GLIS3: variants seen among roughly 807,000 people sequenced by gnomAD.
GLIS3 encodes GLIS family zinc finger 3.
A neutral mutation model predicts 78.6 loss-of-function variants in GLIS3; 53 were observed. The ratio of observed to expected loss-of-function variants is 0.67; its 90% CI spans 0.54 to 0.85. The LOEUF is 0.85. GLIS3 is among the 40% of genes least tolerant of loss of function. The pLI is 0.00. For missense variants in GLIS3, 1,703 were observed against 1,231.1 expected, an observed-to-expected ratio of 1.38 and a Z score of -5.74; for synonymous variants, 684 against 509.9, an observed-to-expected ratio of 1.34 and a Z score of -4.60.
chr9:4,332,996 G>C (rs1048937866), intron 2 of GLIS3, among the ~76,000 whole-genome samples: 3 of 152,198 alleles, frequency 2.0e-5, no homozygotes, highest in Admixed American at 6.5e-5. Context: ...ATAGCATTGA[G>C]TGCTTACTCT....
rs1047800142 is a variant in GLIS3, at chr9:3,976,845, C to A, written c.1711-39656G>T. 2.3e-3 allele frequency among the ~76,000 whole-genome samples: 114 copies of A among 49,378 alleles called. 1 individual carries two copies. Among genetic ancestry groups the A allele is most frequent in the African/African-American group, 6.9e-3 (98 of 14,280 alleles). 32.4% of individuals were successfully genotyped at this position (49,378 alleles called of 152,430 possible). A position where few individuals can be genotyped will look rare whatever the true frequency, so the allele number is the denominator to read the frequency against. ...AAAAAAAAAAAAAAAAAAAAAAAAT[C>A]CACAATCGGATGACATCTTTGGTGG... is the stretch of plus-strand genomic sequence containing the variant. On this transcript the variant is annotated intron_variant, in intron 4 of 10. Coordinates refer to ENST00000381971, the MANE Select transcript of GLIS3 (RefSeq NM_001042413.2).
chr9:4,447,561 C>A, the GLIS3 span, among the ~76,000 whole-genome samples: 3,096 of 152,242 alleles, frequency 0.02, 49 homozygotes, highest in Non-Finnish European at 0.03. Flanking sequence ...CAAGCAGAAT[C>A]TCAGTTAATG....
chr9:3,900,971 A>C (rs1008207858), intron 6 of GLIS3: 1 of 152,208 alleles, frequency 6.6e-6, no homozygotes, highest in African/African-American at 2.4e-5. Context: ...GCCTTAACTG[A>C]TTAACCGAAC....
the GLIS3 span, among the ~76,000 whole-genome samples, chr9:4,381,141 A>G: frequency 1.3e-5 from 2 of 152,220 alleles, no homozygotes; most frequent in African/African-American, 2.4e-5. Flanking sequence ...AACAGTAAAA[A>G]TGTGAATGAC....
At position 4,165,314 on chromosome 9, in the gene GLIS3, G is replaced by A. The variant is rs752451589; in HGVS notation, c.389-39373C>T. On this transcript the variant is annotated intron_variant, in intron 2 of 10. Transcript: ENST00000381971. ...AAATTAGCCGGGCGTGGTGGCACATGCCTGTAATCCCAGTTACTCGGGAGG... is the reference window on the plus strand; with the variant it reads ...AAATTAGCCGGGCGTGGTGGCACATACCTGTAATCCCAGTTACTCGGGAGG... Among the ~76,000 whole-genome samples, 42 of 152,126 alleles carry A rather than the reference G, an allele frequency of 2.8e-4. 1 individual carries two copies. Among genetic ancestry groups the A allele is most frequent in the Non-Finnish European group, 5.1e-4 (35 of 68,026 alleles).
In GLIS3 at chr9:4,029,247, C is replaced by T. The variant is rs150279843; in HGVS notation, c.1710+88521G>A. Among the ~76,000 whole-genome samples the T allele has an allele frequency of 2.7e-3, 404 of 151,848 alleles. 3 individuals carry two copies. In the Middle Eastern group the frequency reaches 0.031, roughly 12 times the overall value. Reference sequence around the variant, plus strand: ...ATCTAGTCAAATGTAACAATATTTGCCCTTCAGGATTAGAAATTCCAGCAG... The same window carrying T: ...ATCTAGTCAAATGTAACAATATTTGTCCTTCAGGATTAGAAATTCCAGCAG... On this transcript the variant is annotated intron_variant, in intron 4 of 10. Transcript: ENST00000381971.
At chr9:4,163,268 A>G (rs4741898) in intron 2 of GLIS3, among the ~76,000 whole-genome samples, 78,044 of 151,272 alleles carry the variant, frequency 0.52, 21,285 homozygotes, top group East Asian at 0.83. Flanking sequence ...ACACACACAC[A>G]CGCGCACGCG....
intron 1 of GLIS3, among the ~76,000 whole-genome samples, chr9:4,287,338 T>C (rs533044699): frequency 3.6e-4 from 55 of 152,304 alleles, no homozygotes; most frequent in Middle Eastern, 3.4e-3. Context: ...TCCATAAAGC[T>C]TCCTAACATT....
intron 1 of GLIS3, among the ~76,000 whole-genome samples, chr9:4,296,611 C>G (rs906172073): frequency 6.6e-6 from 1 of 152,112 alleles, no homozygotes; most frequent in Non-Finnish European, 1.5e-5. Flanking sequence ...AGGGGATCAA[C>G]GATGCTGTCC....
At chr9:4,333,741 C>G (rs966648927) in intron 2 of GLIS3, among the ~76,000 whole-genome samples, 1 of 119,678 alleles carries the variant, frequency 8.4e-6, no homozygotes, top group Admixed American at 9.6e-5. Context: ...TGATGCCCCC[C>G]CCCACCCCCC....
intron 2 of GLIS3, among the ~76,000 whole-genome samples, chr9:4,323,811 TA>T (rs1554658775): frequency 1.6e-4 from 25 of 152,200 alleles, no homozygotes; most frequent in African/African-American, 4.8e-5. Context: ...AAGCACATCA[TA>T]GGGGCGCAGC....
intron 4 of GLIS3, among the ~76,000 whole-genome samples, chr9:4,014,859 A>T (rs2130077814): frequency 6.6e-6 from 1 of 152,322 alleles, no homozygotes; most frequent in African/African-American, 2.4e-5. Flanking sequence ...TGGCAGAGCT[A>T]GGACAATTCA....
At chr9:3,837,241 C>T (rs1431173946) in intron 9 of GLIS3, among the ~76,000 whole-genome samples, 3 of 152,196 alleles carry the variant, frequency 2.0e-5, no homozygotes, top group African/African-American at 4.8e-5. Context: ...TTTGGTTACA[C>T]ACCTATTATA....
the GLIS3 span, among the ~76,000 whole-genome samples, chr9:4,411,741 T>C: frequency 6.8e-4 from 104 of 152,316 alleles, no homozygotes; most frequent in Middle Eastern, 3.4e-3. Flanking sequence ...AAATAACCCA[T>C]GGACAAGTGG....
chr9:4,116,606 T>C (rs1270492774), intron 4 of GLIS3, among the ~76,000 whole-genome samples: 1 of 152,236 alleles, frequency 6.6e-6, no homozygotes, highest in Admixed American at 6.5e-5. Context: ...TGCTTTTACA[T>C]GAATAAGAAA....
intron 4 of GLIS3, among the ~76,000 whole-genome samples, chr9:4,100,119 A>G (rs773218283): frequency 3.9e-5 from 6 of 152,244 alleles, no homozygotes; most frequent in Non-Finnish European, 7.3e-5. Context: ...GGTATTCTCA[A>G]TCTGACTTAG....
At chr9:4,201,341 A>G (rs1338186347) in intron 2 of GLIS3, among the ~76,000 whole-genome samples, 1 of 152,198 alleles carries the variant, frequency 6.6e-6, no homozygotes, top group Non-Finnish European at 1.5e-5. Context: ...CAAACCAATC[A>G]GACAAGAGAA....
chr9:4,320,760 A>C lies in GLIS3; in HGVS notation n.265-10232T>G, dbSNP rs1024540156. On this transcript the variant is annotated intron_variant and non_coding_transcript_variant, in intron 2 of 4. Transcript: ENST00000471664. ...AACCATCACCATCATTATCACTGCT[A>C]TTGGTTTCAGCACCATCACCACACT... Among the ~76,000 whole-genome samples the C allele has an allele frequency of 3.3e-5, 5 of 152,122 alleles. No homozygotes were observed. In the East Asian group the frequency reaches 5.8e-4, roughly 18 times the overall value.
intron 6 of GLIS3, among the ~76,000 whole-genome samples, chr9:3,925,272 T>G (rs545234104): frequency 6.6e-6 from 1 of 152,276 alleles, no homozygotes; most frequent in Non-Finnish European, 1.5e-5. Context: ...TATCATAGCA[T>G]TTCCCCCACT....
Sources: gnomAD v4.1 joint callset for allele counts (sites outside exome capture counted in the v4.1 genomes callset) on GRCh38, gnomAD v4.1.1 for gene constraint, MANE v1.5 for transcripts, NCBI Gene and HGNC (gene_info 2026-07-23, HGNC 2026-07-21) for gene names.